Variants in ITFG1 observed in about 807,000 individuals in gnomAD.
The protein encoded by ITFG1 is T-cell immunomodulatory protein.
ITFG1 carries 34 observed loss-of-function variants against 81.8 expected under a neutral mutation model. The observed-to-expected ratio is 0.42, with a 90% CI of 0.32 to 0.55. ITFG1 has a LOEUF of 0.55. Ranked by LOEUF, ITFG1 falls within the 20% of genes least tolerant of loss-of-function variation. ITFG1 has a pLI of 0.17. For missense variants in ITFG1, 672 were observed against 755.4 expected (o/e 0.89, Z 1.29); for synonymous variants, 285 against 270.6 (o/e 1.05, Z -0.52).
chr16:47,186,182 C>T (rs919947150), intron 14 of ITFG1, among the ~76,000 whole-genome samples: 10 of 152,244 alleles, frequency 6.6e-5, no homozygotes, highest in Non-Finnish European at 1.3e-4. Flanking sequence ...ACCAGAGGTA[C>T]AAGGAGGAAC....
intron 14 of ITFG1, among the ~76,000 whole-genome samples, chr16:47,194,602 T>C (rs923798148): frequency 6.6e-6 from 1 of 152,182 alleles, no homozygotes; most frequent in African/African-American, 2.4e-5. Flanking sequence ...GCAAATAAAT[T>C]ATAGACTCTT....
At chr16:47,366,589 C>A (rs1337228895) in intron 7 of ITFG1, among the ~76,000 whole-genome samples, 1 of 152,104 alleles carries the variant, frequency 6.6e-6, no homozygotes, top group Non-Finnish European at 1.5e-5. Flanking sequence ...TAAATTATTG[C>A]CTTTCCCTTC....
intron 10 of ITFG1, among the ~76,000 whole-genome samples, chr16:47,263,986 T>C (rs1284147799): frequency 6.6e-6 from 1 of 152,218 alleles, no homozygotes; most frequent in African/African-American, 2.4e-5. Context: ...CCTTTACCCA[T>C]TTGGTTTAGA....
chr16:47,293,038 G>GAT (rs1420893268), intron 10 of ITFG1, among the ~76,000 whole-genome samples: 4 of 147,078 alleles, frequency 2.7e-5, no homozygotes, highest in African/African-American at 7.5e-5. Context: ...ATATATATAT[G>GAT]ATATATATAT....
At chr16:47,451,270 A>G (rs1314166869) in intron 5 of ITFG1, 126 bp downstream of exon 5, 2 of 582,392 alleles carry the variant, frequency 3.4e-6, no homozygotes, top group Non-Finnish European at 6.1e-6. Flanking sequence ...AAGCTTATAT[A>G]TATTAACCAA....
Position 47,311,365 on chromosome 16 carries a change from G to A in ITFG1, c.945C>T (p.Gly315=). ...GCTGTTCATCCACAAATGGCACAAA[G>A]CCCCAGAGTGTGCCCTTATTGCTGA... ...QDFSNKGTLW[G]FVPFVDEQQP... is the part of the protein sequence containing the mutation. The change falls in exon 10 of 18, where the codon GGC becomes GGT. Residue 315 remains glycine, a synonymous_variant. Transcript: ENST00000320640. The A allele has an allele frequency of 1.9e-6, 3 of 1,613,740 alleles. No homozygotes were observed. Among genetic ancestry groups the A allele is most frequent in the East Asian group, 4.5e-5 (2 of 44,840 alleles).
rs763644216 is a variant in ITFG1, at chr16:47,242,678, T to G, written c.1331-4670A>C. ...CAAAAAGTTTAATAACCCCTTGGGTTGGTGAAGGTGTTAGGAAAAGAGCAT... is the reference window on the plus strand; with the variant it reads ...CAAAAAGTTTAATAACCCCTTGGGTGGGTGAAGGTGTTAGGAAAAGAGCAT... On this transcript the variant is annotated intron_variant, in intron 12 of 17. Coordinates refer to ENST00000320640, the MANE Select transcript of ITFG1 (RefSeq NM_030790.5). 5.3e-5 allele frequency among the ~76,000 whole-genome samples: 8 copies of G among 152,168 alleles called. No homozygotes were observed. The South Asian group carries it at 6.2e-4, about 12-fold the overall frequency.
At chr16:47,240,810 C>T (rs1292384227) in intron 12 of ITFG1, among the ~76,000 whole-genome samples, 2 of 152,064 alleles carry the variant, frequency 1.3e-5, no homozygotes, top group Non-Finnish European at 2.9e-5. Flanking sequence ...TGTATAATTT[C>T]ATTTAATGAG....
At chr16:47,282,290 C>T (rs916465865) in intron 10 of ITFG1, among the ~76,000 whole-genome samples, 4 of 152,020 alleles carry the variant, frequency 2.6e-5, no homozygotes, top group Non-Finnish European at 4.4e-5. Flanking sequence ...ATTACTCCAT[C>T]CTCTATGTCC....
intron 5 of ITFG1, among the ~76,000 whole-genome samples, chr16:47,444,570 T>C (rs1969298648): frequency 1.3e-5 from 2 of 152,148 alleles, no homozygotes; most frequent in Non-Finnish European, 1.5e-5. Flanking sequence ...GGTGATAGTA[T>C]TATTACATTA....
intron 14 of ITFG1, among the ~76,000 whole-genome samples, chr16:47,205,828 T>TTATCTATCTATCTATCTATCTATCTCTC (rs1965488180): frequency 1.4e-5 from 2 of 142,960 alleles, no homozygotes; most frequent in African/African-American, 5.3e-5. Flanking sequence ...TGGAATTAAA[T>TTATCTATCTATCTATCTATCTATCTCTC]TATCTATCTA....
At chr16:47,177,851 G>A (rs554266115) in intron 14 of ITFG1, among the ~76,000 whole-genome samples, 50 of 152,264 alleles carry the variant, frequency 3.3e-4, no homozygotes, top group Non-Finnish European at 6.3e-4. Context: ...ATTAATTGCT[G>A]AAGTATTTAG....
rs868353189 is a variant in ITFG1 at position 47,350,895 on chromosome 16, G to C, written c.802+14893C>G. Among the ~76,000 whole-genome samples the C allele has an allele frequency of 3.4e-4, 52 of 152,252 alleles. No homozygotes were observed. The Middle Eastern group carries it at 0.02, about 60-fold the overall frequency. On this transcript the variant is annotated intron_variant, in intron 8 of 17. Transcript: ENST00000320640. ...TCAAGTGGGCTTCATCCCTGGGATGGAAGGCTGGTTCAACATATGCAAATC... is the reference window on the plus strand; with the variant it reads ...TCAAGTGGGCTTCATCCCTGGGATGCAAGGCTGGTTCAACATATGCAAATC...
At chr16:47,265,721 G>C (rs1010351098) in intron 10 of ITFG1, among the ~76,000 whole-genome samples, 1 of 152,086 alleles carries the variant, frequency 6.6e-6, no homozygotes, top group East Asian at 1.9e-4. Context: ...CCTTTAGAAA[G>C]AGGACAAAAA....
chr16:47,428,157 A>AT (rs900303649), intron 6 of ITFG1, among the ~76,000 whole-genome samples: 47 of 152,262 alleles, frequency 3.1e-4, no homozygotes, highest in Non-Finnish European at 5.9e-4. Flanking sequence ...TTATTGTGTA[A>AT]TTTTTTTAGA....
chr16:47,248,170 CTA>C (rs1391998660), intron 12 of ITFG1, among the ~76,000 whole-genome samples: 2 of 152,114 alleles, frequency 1.3e-5, no homozygotes, highest in African/African-American at 4.8e-5. Flanking sequence ...ATAAAACAAA[CTA>C]TAGATTCTAT....
At chr16:47,417,883 G>GATAA (rs1968893578) in intron 6 of ITFG1, among the ~76,000 whole-genome samples, 3 of 152,242 alleles carry the variant, frequency 2.0e-5, no homozygotes, top group South Asian at 4.1e-4. Flanking sequence ...CTTTCCCTGG[G>GATAA]ATAAATACCC....
chr16:47,330,888 T>A (rs1967628053), intron 8 of ITFG1, among the ~76,000 whole-genome samples: 1 of 152,162 alleles, frequency 6.6e-6, no homozygotes, highest in Non-Finnish European at 1.5e-5. Flanking sequence ...TGTAAATTAA[T>A]TCAGCCACTG....
At chr16:47,371,847 G>A (rs962465619) in intron 7 of ITFG1, among the ~76,000 whole-genome samples, 3 of 151,942 alleles carry the variant, frequency 2.0e-5, no homozygotes, top group Non-Finnish European at 4.4e-5. Context: ...GCTCAAAATG[G>A]TGATGTGCCA....
Sources: allele counts gnomAD v4.1 joint callset (sites outside exome capture counted in the v4.1 genomes callset), GRCh38; gene constraint gnomAD v4.1.1; transcripts MANE v1.5; gene names NCBI Gene and HGNC (gene_info 2026-07-23, HGNC 2026-07-21).